The following MACF1 variants were observed in gnomAD, a reference collection of about 807,000 sequenced individuals.
MACF1 encodes microtubule actin crosslinking factor 1.
In MACF1, 193 loss-of-function variants were observed where a neutral mutation model predicts 854.8. That is an observed-to-expected ratio of 0.23 (90% CI 0.20 to 0.25). MACF1 has a LOEUF of 0.25. Among genes scored for constraint, MACF1 ranks in the 10% least tolerant of loss-of-function variants. The pLI, the probability that MACF1 is intolerant of heterozygous loss-of-function variation, is 1.00. For missense variants in MACF1, 7,722 were observed against 8,929.1 expected (o/e 0.86, Z 5.45); for synonymous variants, 3,185 against 3,226.7 (o/e 0.99, Z 0.44).
At chr1:39,173,473 T>A (rs528368553) in intron 2 of MACF1, among the ~76,000 whole-genome samples, 1 of 152,318 alleles carries the variant, frequency 6.6e-6, no homozygotes, top group Admixed American at 6.5e-5. Context: ...AGTTCAGGGT[T>A]TAGGCCTGAT....
intron 6 of MACF1, among the ~76,000 whole-genome samples, chr1:39,274,917 A>G (rs1480409543): frequency 1.3e-5 from 2 of 152,254 alleles, no homozygotes; most frequent in African/African-American, 4.8e-5. Context: ...ATTACTTAAA[A>G]GAACAAGAAA....
At chr1:39,442,946 A>C (rs1276393299) in intron 78 of MACF1, 35 bp downstream of exon 78, 5 of 1,587,742 alleles carry the variant, frequency 3.1e-6, no homozygotes, top group Non-Finnish European at 4.3e-6. Context: ...AGGAAGAGCT[A>C]TACAGATAAC....
intron 25 of MACF1, 59 bp downstream of exon 25, chr1:39,310,487 C>T (rs1646278220): frequency 7.3e-6 from 11 of 1,509,168 alleles, no homozygotes; most frequent in Admixed American, 2.1e-5. Context: ...CAAGGGGTTG[C>T]TGTGAAACCC....
At position 39,105,278 on chromosome 1, in the gene MACF1, A is replaced by T; in HGVS notation, c.220+20840A>T. ...GCCGGGACCCGGAGGCGGCGGGGAG[A>T]GGGGGCGGGGAACGGGCCGGGCCTG... On this transcript the variant is annotated intron_variant, in intron 2 of 93. Coordinates refer to the MACF1 transcript ENST00000361689. This position sits in a 1 kb window ranked among gnomAD's most constrained non-coding sequence, Gnocchi z 5.9. The T allele has an allele frequency of 2.3e-6, 1 of 442,582 alleles. No homozygotes were observed. Among genetic ancestry groups the T allele is most frequent in the Non-Finnish European group, 3.0e-6 (1 of 336,088 alleles). 27.4% of individuals were successfully genotyped at this position (442,582 alleles called of 1,614,324 possible). A position where few individuals can be genotyped will look rare whatever the true frequency, so the allele number is the denominator to read the frequency against.
At chr1:39,433,310 T>A (rs1299487923) in intron 68 of MACF1, among the ~76,000 whole-genome samples, 155 bp downstream of exon 68, 2 of 152,242 alleles carry the variant, frequency 1.3e-5, no homozygotes, top group African/African-American at 4.8e-5. Context: ...GAATTCAGAA[T>A]CTTAACCCTG....
intron 55 of MACF1, among the ~76,000 whole-genome samples, chr1:39,381,585 C>T (rs1229182599): frequency 6.6e-6 from 1 of 151,986 alleles, no homozygotes; most frequent in Non-Finnish European, 1.5e-5. Context: ...TCCAAGCTGG[C>T]CTTGAACTCT....
At chr1:39,096,997 C>T (rs1303543900) in intron 2 of MACF1, among the ~76,000 whole-genome samples, 1 of 151,606 alleles carries the variant, frequency 6.6e-6, no homozygotes, top group Non-Finnish European at 1.5e-5. Context: ...CTGCCTTGGC[C>T]TCCTGAGTAG....
At chr1:39,094,491 G>A (rs1306979626) in intron 2 of MACF1, among the ~76,000 whole-genome samples, 1 of 152,028 alleles carries the variant, frequency 6.6e-6, no homozygotes, top group Non-Finnish European at 1.5e-5. Context: ...GGAGGCCCAG[G>A]CGGGCAGATC....
At chr1:39,345,406 T>C (rs79663483) in intron 40 of MACF1, among the ~76,000 whole-genome samples, 4,456 of 151,882 alleles carry the variant, frequency 0.029, 128 homozygotes, top group East Asian at 0.17. Context: ...GCCCGGGAGT[T>C]TGAGACCAGC....
Position 39,415,525 on chromosome 1 carries a change from A to T in MACF1, c.15817-6849A>T, listed in dbSNP as rs1180643209. ...AATTTTTTGTATATATATATATATA[A>T]TTTTTTTTTTTTTTTTTTAGTAGAG... is the stretch of plus-strand genomic sequence containing the variant. On this transcript the variant is annotated intron_variant, in intron 58 of 100. Transcript: ENST00000564288. 3.0e-4 allele frequency among the ~76,000 whole-genome samples: 41 copies of T among 134,524 alleles called. 1 individual carries two copies. The highest frequency in any genetic ancestry group is 1.0e-3 in the African/African-American group (37 of 36,794). 88.3% of individuals were successfully genotyped at this position (134,524 alleles called of 152,430 possible). A position where few individuals can be genotyped will look rare whatever the true frequency, so the allele number is the denominator to read the frequency against.
At position 39,439,392 on chromosome 1, in the gene MACF1, C is replaced by T. The variant is rs1294433952; in HGVS notation, c.18339C>T (p.Asp6113=). 9 of 1,613,990 alleles carry T rather than the reference C, an allele frequency of 5.6e-6. No homozygotes were observed. The South Asian group carries it at 8.8e-5, about 16-fold the overall frequency. The change falls in exon 72 of 101, where the codon GAC becomes GAT. Residue 6113 remains aspartate (D), a synonymous_variant. Transcript: ENST00000564288. ...VLELAEKFWY[D]MAALLTTIKD... ...AATTAGCAGAGAAGTTCTGGTATGACATGGCAGCTCTCCTGACCACCATCA... is the reference window on the plus strand; with the variant it reads ...AATTAGCAGAGAAGTTCTGGTATGATATGGCAGCTCTCCTGACCACCATCA...
intron 23 of MACF1, 149 bp downstream of exon 23, chr1:39,303,227 C>A (rs1325264612): frequency 9.0e-6 from 7 of 781,274 alleles, no homozygotes; most frequent in African/African-American, 1.7e-5. Context: ...ATCAAGTCTC[C>A]TACTACCAGC....
At chr1:39,384,339 C>T (rs1018962573) in intron 56 of MACF1, among the ~76,000 whole-genome samples, 3 of 152,096 alleles carry the variant, frequency 2.0e-5, no homozygotes, top group African/African-American at 4.8e-5. Context: ...TTTGTCATTT[C>T]GTGAGGCTAT....
chr1:39,427,811 C>T (rs1361336172), intron 62 of MACF1, 150 bp from the exon 63 acceptor site: 4 of 893,698 alleles, frequency 4.5e-6, no homozygotes, highest in Non-Finnish European at 3.3e-6. Flanking sequence ...GAATAAACAG[C>T]TTTTGTTCCC....
At chr1:39,280,059 A>G (rs764774932) in intron 6 of MACF1, among the ~76,000 whole-genome samples, 1 of 152,156 alleles carries the variant, frequency 6.6e-6, no homozygotes, top group South Asian at 2.1e-4. Context: ...GCTTTATGCC[A>G]GAATACTTTT....
chr1:39,137,139 G>A (rs1015514221), intron 2 of MACF1, among the ~76,000 whole-genome samples: 2 of 152,228 alleles, frequency 1.3e-5, no homozygotes, highest in Admixed American at 6.5e-5. Flanking sequence ...GTGCGATCTT[G>A]GCTCACTGCA....
At chr1:39,451,507 A>T (rs1471776071) in intron 85 of MACF1, among the ~76,000 whole-genome samples, 8 of 152,140 alleles carry the variant, frequency 5.3e-5, no homozygotes, top group African/African-American at 1.9e-4. Context: ...ACGGAAACCC[A>T]TAAGATAGCC....
At chr1:39,350,540 T>C (rs1647157105) in intron 42 of MACF1, among the ~76,000 whole-genome samples, 1 of 152,226 alleles carries the variant, frequency 6.6e-6, no homozygotes, top group Non-Finnish European at 1.5e-5. Flanking sequence ...GATAATGCAT[T>C]GCAAAATGAA....
Position 39,322,930 on chromosome 1 carries a change from C to T in MACF1, c.4158C>T (p.Arg1386=). 4 of 1,614,056 alleles carry T rather than the reference C, an allele frequency of 2.5e-6. No homozygotes were observed. Among genetic ancestry groups the T allele is most frequent in the Non-Finnish European group, 3.4e-6 (4 of 1,179,940 alleles). Residue 1386 remains arginine (R), a synonymous_variant, in exon 33 of 101, where the codon CGC becomes CGT. Transcript: ENST00000564288. ...CACAGTTCATGGACTTAAGGACTCG[C>T]TACACGGCATTGGTGACTTTAACAA... ...ITQEFMDLRT[R]YTALVTLTTQ...
Sources: gnomAD v4.1 joint callset for allele counts (sites outside exome capture counted in the v4.1 genomes callset) on GRCh38, gnomAD v4.1.1 for gene constraint, Gnocchi (gnomAD v3.1) non-coding constraint, MANE v1.5 for transcripts, NCBI Gene and HGNC (gene_info 2026-07-23, HGNC 2026-07-21) for gene names.